The following ADAMTS12 variants were observed in gnomAD, a reference collection of about 807,000 sequenced individuals.
ADAMTS12 encodes A disintegrin and metalloproteinase with thrombospondin motifs 12.
In ADAMTS12, 118 loss-of-function variants were observed where a neutral mutation model predicts 167.8. The observed-to-expected ratio is 0.70, with a 90% CI of 0.61 to 0.82. The LOEUF (loss-of-function observed/expected upper bound fraction) is 0.82, where lower values mean the gene tolerates loss of function less well. ADAMTS12 is among the 40% of genes least tolerant of loss of function. The pLI is 0.00. For missense variants in ADAMTS12, 1,916 were observed against 1,998.8 expected (o/e 0.96, Z 0.79); for synonymous variants, 704 against 716.9 (o/e 0.98, Z 0.29).
chr5:33,732,796 T>C (rs1421562467), intron 3 of ADAMTS12, among the ~76,000 whole-genome samples: 1 of 152,126 alleles, frequency 6.6e-6, no homozygotes, highest in Non-Finnish European at 1.5e-5. Flanking sequence ...AAATTGGTGG[T>C]ACAAGAATAA....
rs568286387 is a variant in ADAMTS12 at position 33,545,483 on chromosome 5, C to T, written c.4446+576G>A. On this transcript the variant is annotated intron_variant, in intron 22 of 23. Transcript: ENST00000504830. ...CCTCAAGGATCTAGAACTAGAAATA[C>T]CATTTGACCCAGCAATCCCATTACT... Among the ~76,000 whole-genome samples the T allele has an allele frequency of 5.8e-4, 89 of 152,238 alleles. 1 individual carries two copies. In the Middle Eastern group the frequency reaches 0.01, roughly 17 times the overall value.
chr5:33,803,067 A>G (rs1747072231), intron 2 of ADAMTS12, among the ~76,000 whole-genome samples: 1 of 152,182 alleles, frequency 6.6e-6, no homozygotes, highest in African/African-American at 2.4e-5. Flanking sequence ...GCAAGGCACA[A>G]ATGAGGTGGT....
intron 12 of ADAMTS12, among the ~76,000 whole-genome samples, chr5:33,634,616 ATCAG>A (rs988439603): frequency 2.2e-4 from 34 of 152,276 alleles, no homozygotes; most frequent in African/African-American, 8.2e-4. Context: ...ACAGCCCAAA[ATCAG>A]TCATTACCAA....
chr5:33,686,085 T>G (rs188326024), intron 3 of ADAMTS12, among the ~76,000 whole-genome samples: 2 of 152,274 alleles, frequency 1.3e-5, no homozygotes, highest in East Asian at 3.9e-4. Flanking sequence ...TTTTGCTGGG[T>G]GGGGACAGGT....
intron 2 of ADAMTS12, among the ~76,000 whole-genome samples, chr5:33,846,787 C>T (rs1410368059): frequency 6.6e-6 from 1 of 152,066 alleles, no homozygotes; most frequent in South Asian, 2.1e-4. Flanking sequence ...AATGTTTGTC[C>T]CCGGAGGTTT....
At chr5:33,640,011 T>C (rs1045184341) in intron 11 of ADAMTS12, among the ~76,000 whole-genome samples, 2 of 152,224 alleles carry the variant, frequency 1.3e-5, no homozygotes, top group African/African-American at 4.8e-5. Context: ...AGGGACACTC[T>C]ATGACCTGGT....
At chr5:33,582,716 T>C (rs982425321) in intron 18 of ADAMTS12, among the ~76,000 whole-genome samples, 3 of 152,234 alleles carry the variant, frequency 2.0e-5, no homozygotes, top group African/African-American at 7.2e-5. Flanking sequence ...TCCTAGACTC[T>C]GTGTGTGTCT....
intron 7 of ADAMTS12, among the ~76,000 whole-genome samples, chr5:33,654,859 C>T (rs375317535): frequency 2.4e-4 from 32 of 132,740 alleles, no homozygotes; most frequent in Non-Finnish European, 3.0e-4. Flanking sequence ...AGAGAACAGG[C>T]GTATGTGGGT....
chr5:33,691,399 C>A (rs1230893388), intron 3 of ADAMTS12, among the ~76,000 whole-genome samples: 1 of 152,132 alleles, frequency 6.6e-6, no homozygotes, highest in Non-Finnish European at 1.5e-5. Context: ...ATACTAAAGT[C>A]TTTTCATATT....
At chr5:33,799,039 T>C (rs962114683) in intron 2 of ADAMTS12, among the ~76,000 whole-genome samples, 1 of 152,110 alleles carries the variant, frequency 6.6e-6, no homozygotes. Flanking sequence ...GACAAGACAC[T>C]TTCCCCATGA....
intron 2 of ADAMTS12, among the ~76,000 whole-genome samples, chr5:33,793,283 T>G (rs1746644772): frequency 6.6e-6 from 1 of 152,270 alleles, no homozygotes; most frequent in Admixed American, 6.5e-5. Context: ...GTAATGAGGC[T>G]GAACACTTAA....
At chr5:33,688,232 C>G (rs568863189) in intron 3 of ADAMTS12, among the ~76,000 whole-genome samples, 4 of 152,052 alleles carry the variant, frequency 2.6e-5, no homozygotes, top group Non-Finnish European at 5.9e-5. Flanking sequence ...TTTTTCCATT[C>G]GATGACTTTT....
chr5:33,620,714 TAA>T (rs1430776151), intron 14 of ADAMTS12, among the ~76,000 whole-genome samples: 2 of 152,210 alleles, frequency 1.3e-5, no homozygotes, highest in Non-Finnish European at 2.9e-5. Context: ...TAGTAAATGA[TAA>T]AAAAGACTAA....
At chr5:33,713,627 C>G (rs376572629) in intron 3 of ADAMTS12, among the ~76,000 whole-genome samples, 2 of 151,656 alleles carry the variant, frequency 1.3e-5, no homozygotes, top group Admixed American at 1.3e-4. Flanking sequence ...TGACTTAAAT[C>G]AGGAGATGAC....
chr5:33,592,017 T>G (rs2112020325), intron 17 of ADAMTS12, among the ~76,000 whole-genome samples: 1 of 151,784 alleles, frequency 6.6e-6, no homozygotes, highest in African/African-American at 2.4e-5. Flanking sequence ...GGTCGGGAGT[T>G]CGAGACCAGC....
chr5:33,729,008 CAT>C (rs1226322999), intron 3 of ADAMTS12, among the ~76,000 whole-genome samples: 1 of 152,082 alleles, frequency 6.6e-6, no homozygotes, highest in African/African-American at 2.4e-5. Context: ...GATATGTATA[CAT>C]GTTTGCACAT....
chr5:33,576,073 A>T lies in ADAMTS12; in HGVS notation c.3953T>A (p.Ile1318Asn), dbSNP rs760305077. 3.1e-6 allele frequency: 5 copies of T among 1,613,448 alleles called. No individual in the cohort carries two copies. In the South Asian group the frequency reaches 4.4e-5, roughly 14 times the overall value. The change falls in exon 19 of 24, where the codon ATC (isoleucine) becomes AAC (asparagine). Residue 1318 changes from isoleucine (I) to asparagine (N), a missense_variant. Physicochemically the swap from Ile to Asn is moderately radical, Grantham distance 149 (BLOSUM62 -3). Transcript: ENST00000504830. ...TCTTACCTCGCTCCAGTTTCCGACG[A>T]TCCAGTGTGCAGAGCCGTGGCCGTT... ...LTNGHGSAHW[I>N]VGNWSECSTT...
At chr5:33,664,261 T>C (rs1237326178) in intron 5 of ADAMTS12, among the ~76,000 whole-genome samples, 1 of 152,106 alleles carries the variant, frequency 6.6e-6, no homozygotes, top group Non-Finnish European at 1.5e-5. Flanking sequence ...CTTTACCTCA[T>C]ATTAAGGCTT....
intron 1 of ADAMTS12, among the ~76,000 whole-genome samples, chr5:33,883,626 A>G (rs1186304151): frequency 6.6e-6 from 1 of 152,114 alleles, no homozygotes; most frequent in Non-Finnish European, 1.5e-5. Context: ...ATACACACAC[A>G]CTAAAACAAT....
Sources: gnomAD v4.1 joint callset for allele counts (sites outside exome capture counted in the v4.1 genomes callset) on GRCh38, gnomAD v4.1.1 for gene constraint, MANE v1.5 for transcripts, NCBI Gene and HGNC (gene_info 2026-07-23, HGNC 2026-07-21) for gene names.